The following TENM3 variants were observed in gnomAD, a reference collection of about 807,000 sequenced individuals.
TENM3 encodes teneurin-3.
In TENM3, 63 loss-of-function variants were observed where a neutral mutation model predicts 255.1. That is an observed-to-expected ratio of 0.25 (90% CI 0.20 to 0.30). The LOEUF (loss-of-function observed/expected upper bound fraction) is 0.30, where lower values mean the gene tolerates loss of function less well. TENM3 is among the 10% of genes least tolerant of loss of function. The pLI, the probability that TENM3 is intolerant of heterozygous loss-of-function variation, is 1.00. For synonymous variants in TENM3, 1,306 were observed against 1,322.3 expected (o/e 0.99, Z 0.27); for missense variants, 2,929 against 3,461.1 (o/e 0.85, Z 3.86).
At chr4:181,740,840 T>C in the TENM3 span, among the ~76,000 whole-genome samples, 1 of 152,186 alleles carries the variant, frequency 6.6e-6, no homozygotes, top group Non-Finnish European at 1.5e-5. Context: ...TTCCACACAT[T>C]GCCCTCTTTC....
chr4:181,887,054 G>A, the TENM3 span, among the ~76,000 whole-genome samples: 1 of 152,074 alleles, frequency 6.6e-6, no homozygotes, highest in African/African-American at 2.4e-5. Context: ...TTTATTTCAT[G>A]AGTTCTTCTA....
chr4:182,048,819 C>A, the TENM3 span, among the ~76,000 whole-genome samples: 115 of 152,252 alleles, frequency 7.6e-4, no homozygotes, highest in African/African-American at 2.7e-3. Context: ...CCTGTTGCAA[C>A]ACACTTATTT....
At chr4:182,310,771 A>G (rs1762394518) in intron 1 of TENM3, among the ~76,000 whole-genome samples, 1 of 151,644 alleles carries the variant, frequency 6.6e-6, no homozygotes, top group Middle Eastern at 3.2e-3. Flanking sequence ...CAGTGGCACG[A>G]TCTTGGCTCA....
chr4:181,789,915 G>A, the TENM3 span, among the ~76,000 whole-genome samples: 2 of 152,132 alleles, frequency 1.3e-5, no homozygotes, highest in Admixed American at 1.3e-4. Context: ...ATCCTTTGTA[G>A]TATTCTTCAT....
At chr4:181,983,427 A>T in the TENM3 span, among the ~76,000 whole-genome samples, 1 of 152,100 alleles carries the variant, frequency 6.6e-6, no homozygotes, top group African/African-American at 2.4e-5. Flanking sequence ...CTGAAATACA[A>T]GGCTTAGTAT....
the TENM3 span, among the ~76,000 whole-genome samples, chr4:181,611,804 G>A: frequency 6.6e-6 from 1 of 152,192 alleles, no homozygotes; most frequent in Non-Finnish European, 1.5e-5. Flanking sequence ...GGTACAGAAG[G>A]CACAGAGACA....
At chr4:181,480,327 C>G in the TENM3 span, among the ~76,000 whole-genome samples, 768 of 152,184 alleles carry the variant, frequency 5.0e-3, 9 homozygotes, top group African/African-American at 0.018. Context: ...AATTGTGTCT[C>G]AATTTGCAAA....
the TENM3 span, among the ~76,000 whole-genome samples, chr4:181,961,953 T>C: frequency 6.6e-6 from 1 of 152,166 alleles, no homozygotes. Context: ...TTATTCACTA[T>C]AGGTGAAAAT....
chr4:182,392,191 T>A (rs1044551271), intron 3 of TENM3, among the ~76,000 whole-genome samples: 6 of 152,224 alleles, frequency 3.9e-5, no homozygotes, highest in African/African-American at 1.4e-4. Context: ...GGGTCGTTCT[T>A]CCTCTAAGCG....
In TENM3 at chr4:182,228,358, ATGTGTGTGTGTG is replaced by A. The variant is rs141968345; in HGVS notation, c.-76+83628_-76+83639del. 5.5e-5 allele frequency among the ~76,000 whole-genome samples: 6 copies of A among 109,010 alleles called. 1 individual carries two copies. The highest frequency in any genetic ancestry group is 1.4e-4 in the African/African-American group (4 of 27,614). The allele number at this position is 109,010 out of a possible 152,430, so 71.5% of individuals were successfully genotyped here. ...CCTTAAATATATATAATGTAATGTA[ATGTGTGTGTGTG>A]TGTGTGTGTGTGTGTGTGTGTGTAT... On this transcript the variant is annotated intron_variant, in intron 1 of 2. Transcript: ENST00000512480.
chr4:182,011,420 C>T, the TENM3 span, among the ~76,000 whole-genome samples: 2 of 152,036 alleles, frequency 1.3e-5, no homozygotes, highest in African/African-American at 4.8e-5. Flanking sequence ...TGTATCTCAC[C>T]ACAACTCTGA....
chr4:182,197,554 T>C (rs1326520988), intron 1 of TENM3, among the ~76,000 whole-genome samples: 1 of 152,110 alleles, frequency 6.6e-6, no homozygotes, highest in African/African-American at 2.4e-5. Context: ...TGGTATTGCA[T>C]AGGGAAATAA....
chr4:181,811,775 C>T, the TENM3 span, among the ~76,000 whole-genome samples: 1 of 152,194 alleles, frequency 6.6e-6, no homozygotes, highest in Non-Finnish European at 1.5e-5. Flanking sequence ...ATTCAATTAC[C>T]TCCACCTGGC....
chr4:182,382,524 G>T (rs1258208025), intron 3 of TENM3, among the ~76,000 whole-genome samples: 2 of 152,140 alleles, frequency 1.3e-5, no homozygotes, highest in African/African-American at 4.8e-5. Flanking sequence ...AGAACCATGG[G>T]CTAAATAGCC....
the TENM3 span, among the ~76,000 whole-genome samples, chr4:182,032,583 G>C: frequency 2.0e-5 from 3 of 152,264 alleles, no homozygotes; most frequent in African/African-American, 7.2e-5. Flanking sequence ...ATTTAGGAAG[G>C]AGTCTCTCTT....
chr4:181,944,074 T>C, the TENM3 span, among the ~76,000 whole-genome samples: 1 of 152,116 alleles, frequency 6.6e-6, no homozygotes, highest in Non-Finnish European at 1.5e-5. Context: ...CAGGAGCAGG[T>C]ATTAGTCAGG....
At chr4:182,161,699 G>T (rs1201059091) in intron 1 of TENM3, among the ~76,000 whole-genome samples, 2 of 91,346 alleles carry the variant, frequency 2.2e-5, no homozygotes, top group South Asian at 3.6e-4. Flanking sequence ...AAATATATAT[G>T]TATATATATA....
At chr4:182,562,048 G>GA (rs999314317) in intron 3 of TENM3, among the ~76,000 whole-genome samples, 9 of 148,742 alleles carry the variant, frequency 6.1e-5, no homozygotes, top group African/African-American at 2.2e-4. Flanking sequence ...ACCCTAACTT[G>GA]AAAAAAATAC....
At chr4:181,569,661 G>C in the TENM3 span, among the ~76,000 whole-genome samples, 1 of 152,094 alleles carries the variant, frequency 6.6e-6, no homozygotes, top group Non-Finnish European at 1.5e-5. Flanking sequence ...TAGGCCTTTT[G>C]ACATTTTCTG....
Sources: gnomAD v4.1 joint callset for allele counts (sites outside exome capture counted in the v4.1 genomes callset) on GRCh38, gnomAD v4.1.1 for gene constraint, MANE v1.5 for transcripts, NCBI Gene and HGNC (gene_info 2026-07-23, HGNC 2026-07-21) for gene names.